The following WNK2 variants were observed in gnomAD, a reference collection of about 807,000 sequenced individuals.
WNK2 encodes WNK lysine deficient protein kinase 2.
WNK2 carries 67 observed loss-of-function variants against 192.1 expected under a neutral mutation model. That is an observed-to-expected ratio of 0.35 (90% CI 0.29 to 0.43). WNK2 has a LOEUF of 0.43. Ranked by LOEUF, WNK2 falls within the 20% of genes least tolerant of loss-of-function variation. The probability of loss-of-function intolerance (pLI) is 1.00; values close to 1 mark genes in which losing one functional copy is unlikely to be tolerated. For synonymous variants in WNK2, 1,439 were observed against 1,393.9 expected (o/e 1.03, Z -0.72); for missense variants, 2,698 against 3,089.7 (o/e 0.87, Z 3.01).
In WNK2 at chr9:93,192,937, C is replaced by T. The variant is rs985783897; in HGVS notation, c.681+7327C>T. Among the ~76,000 whole-genome samples, 11 of 152,094 alleles carry T rather than the reference C, an allele frequency of 7.2e-5. No homozygotes were observed. In the East Asian group the frequency reaches 2.1e-3, roughly 29 times the overall value. On this transcript the variant is annotated intron_variant, in intron 2 of 29. Coordinates refer to ENST00000427277, the MANE Select transcript of WNK2 (RefSeq NM_006648.4). ...GTCATCTTGTAGGTGTCTCTCAGGGCCTGTGGCTTGGGTCTGGCTTCAGGC... is the reference window on the plus strand; with the variant it reads ...GTCATCTTGTAGGTGTCTCTCAGGGTCTGTGGCTTGGGTCTGGCTTCAGGC...
intron 2 of WNK2, among the ~76,000 whole-genome samples, chr9:93,189,487 A>G (rs7041800): frequency 0.68 from 103,763 of 152,138 alleles, 37,551 homozygotes; most frequent in African/African-American, 0.91. Flanking sequence ...GCTTGGTGCC[A>G]CCCAGAGGGG....
chr9:93,223,981 A>G (rs1837391877), intron 2 of WNK2, among the ~76,000 whole-genome samples: 1 of 152,234 alleles, frequency 6.6e-6, no homozygotes, highest in Admixed American at 6.5e-5. Context: ...GAGCTCTACC[A>G]GAGACCTGAT....
At chr9:93,227,973 G>A (rs895956291) in intron 2 of WNK2, among the ~76,000 whole-genome samples, 1 of 152,186 alleles carries the variant, frequency 6.6e-6, no homozygotes, top group South Asian at 2.1e-4. Context: ...GCTCTTTCTC[G>A]AATGTTCCTT....
Position 93,258,918 on chromosome 9 carries a change from G to C in WNK2, c.2383-13G>C. 6.2e-7 allele frequency: 1 copy of C among 1,604,872 alleles called. No homozygotes were observed. Among genetic ancestry groups the C allele is most frequent in the Non-Finnish European group, 8.5e-7 (1 of 1,174,920 alleles). Reference sequence around the variant, plus strand: ...TTGGGGCCCACACTGACACACTCCTGTGTCTCTTTCAGATGCCCCCGATTC... The same window carrying C: ...TTGGGGCCCACACTGACACACTCCTCTGTCTCTTTCAGATGCCCCCGATTC... On this transcript the variant is annotated splice_polypyrimidine_tract_variant and intron_variant, in intron 11 of 29. Transcript: ENST00000427277.
At chr9:93,277,525 G>A (rs1191463587) in intron 19 of WNK2, among the ~76,000 whole-genome samples, 1 of 152,146 alleles carries the variant, frequency 6.6e-6, no homozygotes, top group African/African-American at 2.4e-5. Flanking sequence ...ATATATCATT[G>A]GTAAATTGAT....
intron 10 of WNK2, chr9:93,256,732 T>C (rs1843363013): frequency 6.0e-6 from 4 of 670,638 alleles, no homozygotes; most frequent in Non-Finnish European, 9.8e-6. Context: ...CAAGATCTGC[T>C]GTGCCCTGGC....
At chr9:93,282,035 C>T (rs1056614361) in intron 19 of WNK2, among the ~76,000 whole-genome samples, 2 of 152,004 alleles carry the variant, frequency 1.3e-5, no homozygotes, top group African/African-American at 4.8e-5. Flanking sequence ...CAGGTAGGAA[C>T]AAAAACTGAT....
Position 93,195,699 on chromosome 9 carries a change from C to CAAAAAAAAAAAAAAAAAAA in WNK2, c.681+10096_681+10114dup, listed in dbSNP as rs59357990. On this transcript the variant is annotated intron_variant, in intron 2 of 29. Coordinates refer to ENST00000427277, the MANE Select transcript of WNK2 (RefSeq NM_006648.4). ...GGGCAACAGAGTAAAGACTTTGTCTCAAAAAAAAAAAAAAAAAAAAAAAAA... is the reference window on the plus strand; with the variant it reads ...GGGCAACAGAGTAAAGACTTTGTCTCAAAAAAAAAAAAAAAAAAAAAAAAAAAAAAAAAAAAAAAAAAAA... 6.5e-4 allele frequency among the ~76,000 whole-genome samples: 27 copies of CAAAAAAAAAAAAAAAAAAA among 41,668 alleles called. 1 individual carries two copies. Among genetic ancestry groups the CAAAAAAAAAAAAAAAAAAA allele is most frequent in the Admixed American group, 1.5e-3 (4 of 2,700 alleles). 27.3% of individuals were successfully genotyped at this position (41,668 alleles called of 152,430 possible).
rs139952033 is a variant in WNK2 at position 93,247,578 on chromosome 9, G to A, written c.1578G>A (p.Lys526=). 107 of 1,609,998 alleles carry A rather than the reference G, an allele frequency of 6.6e-5. No individual in the cohort carries two copies. The highest frequency in any genetic ancestry group is 8.6e-5 in the Non-Finnish European group (101 of 1,178,552). The change falls in exon 8 of 30, where the codon AAG becomes AAA. Residue 526 remains lysine (K), a synonymous_variant. Transcript: ENST00000427277. The surrounding 1 kb of genome is among the most constrained non-coding windows in gnomAD (Gnocchi z 5.2). ...GATTCTTCCACGAGAGTGACGTCAA[G>A]ATCGTGGCCAAGTCCATCCGTGACC... ...ESGFFHESDV[K]IVAKSIRDRV...
At chr9:93,305,608 T>TC in intron 26 of WNK2, among the ~76,000 whole-genome samples, 1 of 152,296 alleles carries the variant, frequency 6.6e-6, no homozygotes, top group African/African-American at 2.4e-5. Context: ...TGAGCTAGGT[T>TC]TCCAAGTCCA....
rs1237977501 is a variant in WNK2, at chr9:93,289,452, C to A, written c.4698C>A (p.Pro1566=). 1 of 1,612,764 alleles carries A rather than the reference C, an allele frequency of 6.2e-7. No homozygotes were observed. The highest frequency in any genetic ancestry group is 8.5e-7 in the Non-Finnish European group (1 of 1,179,650). Reference sequence around the variant, plus strand: ...CTCTGCTCTACCAGGAGCACGTGCCCACCTCCTCAGCCTCAGCTGGGACCC... The same window carrying A: ...CTCTGCTCTACCAGGAGCACGTGCCAACCTCCTCAGCCTCAGCTGGGACCC... The part of the protein sequence containing the change: ...LRTLLYQEHV[P]TSSASAGTPV... Residue 1566 remains proline, a synonymous_variant, in exon 20 of 30, where the codon CCC becomes CCA. Coordinates refer to ENST00000427277, the MANE Select transcript of WNK2 (RefSeq NM_006648.4).
chr9:93,240,101 C>T (rs189097208), intron 7 of WNK2, 125 bp downstream of exon 7: 17 of 1,008,030 alleles, frequency 1.7e-5, no homozygotes, highest in East Asian at 7.9e-5. Context: ...GTGGGTGTGG[C>T]GGTGCCATCC....
At chr9:93,250,849 A>G (rs905684788) in intron 8 of WNK2, among the ~76,000 whole-genome samples, 1 of 148,016 alleles carries the variant, frequency 6.8e-6, no homozygotes, top group Non-Finnish European at 1.5e-5. Context: ...TGGTGGCGCA[A>G]TCTCGGCTCA....
rs76147321 is a variant in WNK2, at chr9:93,270,701, G to C, written c.4033+1955G>C. 7.9e-5 allele frequency among the ~76,000 whole-genome samples: 12 copies of C among 152,328 alleles called. No homozygotes were observed. In the East Asian group the frequency reaches 2.1e-3, roughly 27 times the overall value. ...AAGGCAACTCCTAAAGCTCAGAGAA[G>C]AGAGAGAACCCCTCCCCATTGCTCA... On this transcript the variant is annotated intron_variant, in intron 19 of 29. Coordinates refer to ENST00000427277, the MANE Select transcript of WNK2 (RefSeq NM_006648.4).
chr9:93,296,706 C>T (rs1360391205), intron 23 of WNK2, among the ~76,000 whole-genome samples: 1 of 93,270 alleles, frequency 1.1e-5, no homozygotes, highest in Non-Finnish European at 2.3e-5. Context: ...TCTCCCCTCA[C>T]CTTCCTCCCT....
chr9:93,191,801 G>A (rs1015704355), intron 2 of WNK2, among the ~76,000 whole-genome samples: 12 of 152,150 alleles, frequency 7.9e-5, no homozygotes, highest in Non-Finnish European at 2.9e-5. Context: ...GAGACGGGTG[G>A]ATCATTTGAG....
chr9:93,300,351 A>ACAG (rs1357300409), intron 26 of WNK2: 3 of 528,022 alleles, frequency 5.7e-6, no homozygotes, highest in East Asian at 6.6e-5. Flanking sequence ...CAAGCCCCAC[A>ACAG]CAGCGTGTGT....
Position 93,234,937 on chromosome 9 carries a change from C to A in WNK2, c.1205C>A (p.Ala402Glu). ...SEYPYSECQNAAQIYRKVTCG... is the reference protein window; with the variant it reads ...SEYPYSECQNEAQIYRKVTCG... The stretch of plus-strand genomic sequence containing the variant: ...TACCCCTACTCGGAGTGCCAGAATG[C>A]GGCCCAGATCTACCGCAAGGTCACC... Residue 402 changes from alanine (A) to glutamate (E), a missense_variant, in exon 5 of 30, where the codon GCG (alanine) becomes GAG (glutamate). Around this residue, in one of 7 missense-constraint regions of WNK2, gnomAD observed 230 missense variants for 501.1 expected, o/e 0.46. Coordinates refer to ENST00000427277, the MANE Select transcript of WNK2 (RefSeq NM_006648.4). 1 of 1,614,066 alleles carries A rather than the reference C, an allele frequency of 6.2e-7. No individual in the cohort carries two copies. The highest frequency in any genetic ancestry group is 8.5e-7 in the Non-Finnish European group (1 of 1,179,948).
Position 93,292,607 on chromosome 9 carries a change from G to A in WNK2, c.5142G>A (p.Gln1714=), listed in dbSNP as rs1849536737. ...PPSDMGTVGG[Q]ASHPQTLGAR... ...GTGACATGGGCACAGTGGGGGGCCA[G>A]GCTAGCCACCCCCAGACACTCGGCG... is the stretch of plus-strand genomic sequence containing the variant. The change falls in exon 23 of 30, where the codon CAG becomes CAA. Residue 1714 remains glutamine, a synonymous_variant. Transcript: ENST00000427277. 1 of 1,580,940 alleles carries A rather than the reference G, an allele frequency of 6.3e-7. No individual in the cohort carries two copies. Among genetic ancestry groups the A allele is most frequent in the Non-Finnish European group, 8.6e-7 (1 of 1,162,276 alleles).
Sources: gnomAD v4.1 joint callset for allele counts (sites outside exome capture counted in the v4.1 genomes callset) on GRCh38, gnomAD v4.1.1 for gene constraint, gnomAD v4.1.1 regional missense constraint, Gnocchi (gnomAD v3.1) non-coding constraint, MANE v1.5 for transcripts, NCBI Gene and HGNC (gene_info 2026-07-23, HGNC 2026-07-21) for gene names.